Variants in CRHR1 observed in about 807,000 individuals in gnomAD.
CRHR1 encodes corticotropin-releasing hormone receptor 1.
Under a neutral mutation model 56.0 loss-of-function variants are expected in CRHR1, and 28 were observed. The ratio of observed to expected loss-of-function variants is 0.50; its 90% CI spans 0.37 to 0.69. CRHR1 has a LOEUF of 0.69. Among genes scored for constraint, CRHR1 ranks in the 30% least tolerant of loss-of-function variants. The probability of loss-of-function intolerance (pLI) is 0.00; values close to 1 mark genes in which losing one functional copy is unlikely to be tolerated. For missense variants in CRHR1, 376 were observed against 548.0 expected (o/e 0.69, Z 3.13); for synonymous variants, 195 against 216.5 (o/e 0.90, Z 0.87).
intron 1 of CRHR1, among the ~76,000 whole-genome samples, chr17:45,794,072 G>A (rs759326021): frequency 7.2e-5 from 11 of 152,150 alleles, no homozygotes; most frequent in Non-Finnish European, 1.5e-4. Context: ...CTGTCCTCCA[G>A]CCAAAGCAGG....
At chr17:45,816,677 A>G in intron 3 of CRHR1, 95 bp downstream of exon 3, 1 of 1,569,044 alleles carries the variant, frequency 6.4e-7, no homozygotes, top group Admixed American at 1.8e-5. Flanking sequence ...GATGACAATA[A>G]CAGTAATACC....
chr17:45,824,592 C>T (rs2062117609), intron 4 of CRHR1, among the ~76,000 whole-genome samples: 1 of 152,190 alleles, frequency 6.6e-6, no homozygotes, highest in South Asian at 2.1e-4. Flanking sequence ...GGGTCTCTAC[C>T]TCTGTCCACC....
At chr17:45,797,524 C>T (rs2146280557) in intron 1 of CRHR1, among the ~76,000 whole-genome samples, 1 of 152,042 alleles carries the variant, frequency 6.6e-6, no homozygotes, top group African/African-American at 2.4e-5. Context: ...ATGATCCGCC[C>T]ACCTCGGCCT....
Position 45,834,979 on chromosome 17 carries a change from C to T in CRHR1, c.*215C>T. 1.6e-6 allele frequency: 1 copy of T among 622,240 alleles called. No individual in the cohort carries two copies. 38.5% of individuals were successfully genotyped at this position (622,240 alleles called of 1,614,324 possible). Reference sequence around the variant, plus strand: ...AAGTCACCTACAGGACTGGGCCGGGCCCAGGGCCTCTGGCTTCCCTGCCCA... The same window carrying T: ...AAGTCACCTACAGGACTGGGCCGGGTCCAGGGCCTCTGGCTTCCCTGCCCA... On this transcript the variant is annotated 3_prime_UTR_variant, in exon 13 of 13. Coordinates refer to ENST00000314537, the MANE Select transcript of CRHR1 (RefSeq NM_004382.5).
At position 45,830,925 on chromosome 17, in the gene CRHR1, A is replaced by G. The variant is rs2143243935; in HGVS notation, c.755A>G (p.Tyr252Cys). 6 of 1,613,912 alleles carry G rather than the reference A, an allele frequency of 3.7e-6. No individual in the cohort carries two copies. Among genetic ancestry groups the G allele is most frequent in the Middle Eastern group, 3.3e-4 (2 of 6,060 alleles). ...GTGGCCTGGGCCATTGGGAAGCTGT[A>G]CTACGACAATGAGAAGTAAGTCATC... is the stretch of plus-strand genomic sequence containing the variant. ...IIVAWAIGKLYYDNEKCWFGK... is the reference protein window; with the variant it reads ...IIVAWAIGKLCYDNEKCWFGK... The change falls in exon 8 of 13, where the codon TAC becomes TGC. Residue 252 changes from tyrosine (Y) to cysteine (C), a missense_variant. Tyr to Cys is a radical substitution (Grantham distance 194). Coordinates refer to ENST00000314537, the MANE Select transcript of CRHR1 (RefSeq NM_004382.5).
intron 4 of CRHR1, chr17:45,828,027 G>A (rs1398956899): frequency 6.6e-6 from 1 of 152,232 alleles, no homozygotes; most frequent in Non-Finnish European, 1.5e-5. Flanking sequence ...AAACGGGGAG[G>A]AAGGGAGGTG....
chr17:45,784,361 AGCCGG>A lies in CRHR1; in HGVS notation c.-164_-160del, dbSNP rs538064862. On this transcript the variant is annotated 5_prime_UTR_variant, in exon 1 of 13. Coordinates refer to ENST00000314537, the MANE Select transcript of CRHR1 (RefSeq NM_004382.5). This position sits in a 1 kb window ranked among gnomAD's most constrained non-coding sequence, Gnocchi z 4.2. ...ACTTCCCCGGGAAGGGGCGAGCGAG[AGCCGG>A]GCCGGGCCGGGCCGGGCCGCGGGGC... 9.5e-5 allele frequency: 33 copies of A among 345,802 alleles called. No homozygotes were observed. The highest frequency in any genetic ancestry group is 8.2e-4 in the Middle Eastern group (1 of 1,214). 21.4% of individuals were successfully genotyped at this position (345,802 alleles called of 1,614,324 possible).
chr17:45,796,895 G>A (rs1833627349), intron 1 of CRHR1, among the ~76,000 whole-genome samples: 1 of 152,202 alleles, frequency 6.6e-6, no homozygotes, highest in African/African-American at 2.4e-5. Flanking sequence ...GAGAAGGCAC[G>A]GGCTACAAGA....
intron 4 of CRHR1, among the ~76,000 whole-genome samples, chr17:45,823,838 C>A (rs2062099132): frequency 6.6e-6 from 1 of 152,240 alleles, no homozygotes; most frequent in Non-Finnish European, 1.5e-5. Context: ...CCGGAAGCTG[C>A]AGCTAGGTCA....
chr17:45,799,703 G>C (rs1241745980), intron 1 of CRHR1: 3 of 152,242 alleles, frequency 2.0e-5, no homozygotes, highest in Non-Finnish European at 2.9e-5. Flanking sequence ...CCCCGAGTCA[G>C]GGTCCGCCAG....
chr17:45,816,121 G>A (rs171440), intron 2 of CRHR1, among the ~76,000 whole-genome samples: 73,969 of 151,952 alleles, frequency 0.49, 19,036 homozygotes, highest in East Asian at 0.86. Context: ...ACCAAGAGAA[G>A]TGTCCTTAGG....
At chr17:45,833,693 T>TGCCCCCCCC in intron 10 of CRHR1, 21 bp from the exon 11 acceptor site, 5 of 1,571,592 alleles carry the variant, frequency 3.2e-6, no homozygotes, top group Non-Finnish European at 4.3e-6. Context: ...ACTCCGAGCC[T>TGCCCCCCCC]CCCCACCCGC....
chr17:45,819,836 T>A (rs62057112), intron 3 of CRHR1, among the ~76,000 whole-genome samples: 22,009 of 152,210 alleles, frequency 0.14, 2,155 homozygotes, highest in Middle Eastern at 0.22. Context: ...AGGGGAGTAG[T>A]GCGAGAGAGG....
chr17:45,833,693 T>TGGGGGGGGGGGGGGGGGG, intron 10 of CRHR1, 21 bp from the exon 11 acceptor site: 1 of 1,571,618 alleles, frequency 6.4e-7, no homozygotes, highest in Non-Finnish European at 8.7e-7. Context: ...ACTCCGAGCC[T>TGGGGGGGGGGGGGGGGGG]CCCCACCCGC....
In CRHR1 at chr17:45,784,653, G is replaced by T; in HGVS notation, c.33+76G>T. The T allele has an allele frequency of 1.4e-6, 2 of 1,424,968 alleles. No homozygotes were observed. Among genetic ancestry groups the T allele is most frequent in the South Asian group, 2.7e-5 (2 of 72,898 alleles). The allele number at this position is 1,424,968 out of a possible 1,614,324, so 88.3% of individuals were successfully genotyped here. A position where few individuals can be genotyped will look rare whatever the true frequency, so the allele number is the denominator to read the frequency against. On this transcript the variant is annotated intron_variant, in intron 1 of 12. Coordinates refer to ENST00000314537, the MANE Select transcript of CRHR1 (RefSeq NM_004382.5). This position sits in a 1 kb window ranked among gnomAD's most constrained non-coding sequence, Gnocchi z 4.2. ...GGACGCGGGACGGGGCTGGGCTGTG[G>T]GTGTGATGGGGGCGGGGGCGCTGGG...
intron 1 of CRHR1, among the ~76,000 whole-genome samples, chr17:45,804,448 G>A (rs1324064467): frequency 6.6e-6 from 1 of 152,156 alleles, no homozygotes; most frequent in Admixed American, 6.5e-5. Context: ...TCTTCCCCTG[G>A]ACCTTGGAAT....
intron 4 of CRHR1, among the ~76,000 whole-genome samples, chr17:45,822,122 T>TAC (rs2062055000): frequency 6.6e-6 from 1 of 152,236 alleles, no homozygotes; most frequent in Admixed American, 6.5e-5. Flanking sequence ...TTGCATGTTA[T>TAC]ACACACTGTC....
In CRHR1 at chr17:45,830,892, C is replaced by T. The variant is rs759015024; in HGVS notation, c.722C>T (p.Pro241Leu). 4.3e-6 allele frequency: 7 copies of T among 1,613,758 alleles called. No homozygotes were observed. The South Asian group carries it at 6.6e-5, about 15-fold the overall frequency. The part of the protein sequence containing the change: ...FICIGWGVPF[P>L]IIVAWAIGKL... ...ATCTCTCCCCCAGGTGTGCCCTTCC[C>T]CATCATTGTGGCCTGGGCCATTGGG... The change falls in exon 8 of 13, where the codon CCC (proline) becomes CTC (leucine). Residue 241 changes from proline to leucine, a missense_variant. By Grantham distance (98) the Pro-to-Leu change is moderately conservative. Around this residue, in one of 2 missense-constraint regions of CRHR1, gnomAD observed 369 missense variants for 519.5 expected, o/e 0.71. Transcript: ENST00000314537.
At chr17:45,805,268 T>C (rs1488156906) in intron 1 of CRHR1, among the ~76,000 whole-genome samples, 1 of 152,208 alleles carries the variant, frequency 6.6e-6, no homozygotes, top group East Asian at 1.9e-4. Context: ...AAAATAATTA[T>C]GTTAAAATAT....
Sources: allele counts gnomAD v4.1 joint callset (sites outside exome capture counted in the v4.1 genomes callset), GRCh38; gene constraint gnomAD v4.1.1; regional missense constraint gnomAD v4.1.1; non-coding constraint Gnocchi (gnomAD v3.1); transcripts MANE v1.5; gene names NCBI Gene and HGNC (gene_info 2026-07-23, HGNC 2026-07-21).